CTNNA2: variants seen among roughly 807,000 people sequenced by gnomAD.
The protein encoded by CTNNA2 is catenin alpha 2.
Under a neutral mutation model 101.0 loss-of-function variants are expected in CTNNA2, and 42 were observed. That is an observed-to-expected ratio of 0.42 (90% CI 0.32 to 0.54). CTNNA2 has a LOEUF of 0.54. Among genes scored for constraint, CTNNA2 ranks in the 20% least tolerant of loss-of-function variants. CTNNA2 has a pLI of 0.14. For synonymous variants in CTNNA2, 450 were observed against 456.4 expected, an observed-to-expected ratio of 0.99 and a Z score of 0.18; for missense variants, 871 against 1,223.1, an observed-to-expected ratio of 0.71 and a Z score of 4.29.
chr2:79,781,444 C>T (rs1674418501), intron 3 of CTNNA2, among the ~76,000 whole-genome samples: 1 of 152,174 alleles, frequency 6.6e-6, no homozygotes, highest in African/African-American at 2.4e-5. Flanking sequence ...AGCTTTCAGC[C>T]TTATTTTACC....
intron 2 of CTNNA2, among the ~76,000 whole-genome samples, chr2:79,250,166 A>T (rs1017625020): frequency 2.0e-5 from 3 of 152,198 alleles, no homozygotes; most frequent in Non-Finnish European, 4.4e-5. Flanking sequence ...AATGAAGATT[A>T]GGTATGCTTC....
At chr2:80,410,321 G>T (rs1679457061) in intron 8 of CTNNA2, among the ~76,000 whole-genome samples, 1 of 152,184 alleles carries the variant, frequency 6.6e-6, no homozygotes, top group Non-Finnish European at 1.5e-5. Context: ...GCTAGAGCAG[G>T]TATGATCTAT....
At chr2:80,493,991 G>A (rs1687253816) in intron 9 of CTNNA2, among the ~76,000 whole-genome samples, 1 of 152,152 alleles carries the variant, frequency 6.6e-6, no homozygotes, top group South Asian at 2.1e-4. Context: ...AATGAAGGTT[G>A]GATAAGTGGA....
At position 79,997,202 on chromosome 2, in the gene CTNNA2, A is replaced by G. The variant is rs530144301; in HGVS notation, c.1056+87405A>G. On this transcript the variant is annotated intron_variant, in intron 7 of 18. Transcript: ENST00000402739. ...ACTGCCTCCTAAACAGAAAGCTGAAAAATCAATCCTAGTTGTTTTTCTAGC... is the reference window on the plus strand; with the variant it reads ...ACTGCCTCCTAAACAGAAAGCTGAAGAATCAATCCTAGTTGTTTTTCTAGC... Among the ~76,000 whole-genome samples, 12 of 152,244 alleles carry G rather than the reference A, an allele frequency of 7.9e-5. 1 individual carries two copies. The highest frequency in any genetic ancestry group is 2.9e-4 in the African/African-American group (12 of 41,548).
chr2:80,194,741 A>C (rs1706728367), intron 7 of CTNNA2, among the ~76,000 whole-genome samples: 1 of 149,520 alleles, frequency 6.7e-6, no homozygotes, highest in South Asian at 2.1e-4. Context: ...ATTAATATTA[A>C]TTATATAAAT....
At chr2:80,604,244 A>T in intron 16 of CTNNA2, 65 bp downstream of exon 16, 1 of 1,305,428 alleles carries the variant, frequency 7.7e-7, no homozygotes, top group Non-Finnish European at 1.1e-6. Context: ...TGGGTTTTGT[A>T]ACTAGTTTTA....
chr2:80,428,429 G>T lies in CTNNA2; in HGVS notation c.1290+8828G>T, dbSNP rs148309054. Among the ~76,000 whole-genome samples the T allele has an allele frequency of 3.9e-4, 60 of 152,326 alleles. No homozygotes were observed. The East Asian group carries it at 5.6e-3, about 14-fold the overall frequency. ...AGTGATTAGTACTATGACTAGAAGA[G>T]AGGCAAGGTCAGTGGGAAGATGCGG... On this transcript the variant is annotated intron_variant, in intron 9 of 18. Transcript: ENST00000402739.
chr2:79,638,453 A>T (rs989850789), intron 1 of CTNNA2, among the ~76,000 whole-genome samples: 1 of 152,236 alleles, frequency 6.6e-6, no homozygotes, highest in Non-Finnish European at 1.5e-5. Context: ...CTCGTGCTGA[A>T]ATGTCAGTCC....
At chr2:80,101,500 C>T (rs955479293) in intron 7 of CTNNA2, among the ~76,000 whole-genome samples, 14 of 152,146 alleles carry the variant, frequency 9.2e-5, no homozygotes, top group African/African-American at 2.9e-4. Flanking sequence ...ATTCAGAAAC[C>T]TGAAGTGAAT....
intron 2 of CTNNA2, among the ~76,000 whole-genome samples, chr2:79,668,876 T>G (rs914144157): frequency 8.5e-5 from 13 of 152,186 alleles, no homozygotes; most frequent in Admixed American, 2.0e-4. Context: ...ACCAAAAGTT[T>G]CCAATCAAAC....
chr2:79,796,950 T>TGA (rs1679842453), intron 3 of CTNNA2, among the ~76,000 whole-genome samples: 1 of 152,134 alleles, frequency 6.6e-6, no homozygotes, highest in Non-Finnish European at 1.5e-5. Flanking sequence ...CAGGTTAAAT[T>TGA]GATCACTTTC....
At chr2:79,588,281 C>A (rs1676623050) in intron 1 of CTNNA2, among the ~76,000 whole-genome samples, 1 of 152,176 alleles carries the variant, frequency 6.6e-6, no homozygotes, top group South Asian at 2.1e-4. Context: ...CCTCTGAACA[C>A]CATTTACATT....
At chr2:80,113,364 AG>A (rs1701330633) in intron 7 of CTNNA2, among the ~76,000 whole-genome samples, 3 of 152,048 alleles carry the variant, frequency 2.0e-5, no homozygotes, top group Admixed American at 2.0e-4. Flanking sequence ...AGAGCAGTAC[AG>A]GCGTACACAA....
chr2:79,662,207 T>C (rs1289198730), intron 2 of CTNNA2, among the ~76,000 whole-genome samples: 1 of 152,084 alleles, frequency 6.6e-6, no homozygotes, highest in Non-Finnish European at 1.5e-5. Flanking sequence ...TTCAAATGAA[T>C]ATATTAAACT....
intron 7 of CTNNA2, chr2:80,163,194 C>T: frequency 8.0e-7 from 1 of 1,256,380 alleles, no homozygotes; most frequent in South Asian, 1.2e-5. Flanking sequence ...ACTTTCATTT[C>T]AAGGTTGCCC....
intron 15 of CTNNA2, chr2:80,603,820 T>A: frequency 2.4e-6 from 1 of 419,862 alleles, no homozygotes; most frequent in Non-Finnish European, 4.3e-6. Context: ...CTTTTATAAC[T>A]GGCCATTGTT....
At chr2:79,446,297 G>A (rs1240596129) in intron 4 of CTNNA2, among the ~76,000 whole-genome samples, 1 of 151,826 alleles carries the variant, frequency 6.6e-6, no homozygotes, top group Non-Finnish European at 1.5e-5. Flanking sequence ...TTGAAGGTTG[G>A]AAAACGGAAA....
intron 7 of CTNNA2, among the ~76,000 whole-genome samples, chr2:80,176,615 G>A (rs1291086628): frequency 2.6e-5 from 4 of 152,170 alleles, no homozygotes; most frequent in Non-Finnish European, 5.9e-5. Flanking sequence ...GTCATTTGTA[G>A]TCCTGCCTGG....
At chr2:80,446,675 G>T (rs914443337) in intron 9 of CTNNA2, among the ~76,000 whole-genome samples, 1 of 152,118 alleles carries the variant, frequency 6.6e-6, no homozygotes, top group Admixed American at 6.5e-5. Context: ...ATGTCACCCA[G>T]ACTTAAAACC....
Sources: allele counts gnomAD v4.1 joint callset (sites outside exome capture counted in the v4.1 genomes callset), GRCh38; gene constraint gnomAD v4.1.1; transcripts MANE v1.5; gene names NCBI Gene and HGNC (gene_info 2026-07-23, HGNC 2026-07-21).